The following FHIT variants were observed in gnomAD, a reference collection of about 807,000 sequenced individuals.
FHIT encodes fragile histidine triad diadenosine triphosphatase.
In FHIT, 19 loss-of-function variants were observed where a neutral mutation model predicts 17.9. The ratio of observed to expected loss-of-function variants is 1.06; its 90% CI spans 0.74 to 1.56. The LOEUF (loss-of-function observed/expected upper bound fraction) is 1.56. FHIT is among the 40% of genes most tolerant of loss of function. The pLI, the probability that FHIT is intolerant of heterozygous loss-of-function variation, is 0.00. For missense variants in FHIT, 248 were observed against 189.2 expected (o/e 1.31, Z -1.82); for synonymous variants, 81 against 69.7 (o/e 1.16, Z -0.81).
In FHIT at chr3:60,555,846, T is replaced by G. The variant is rs574697005; in HGVS notation, c.-17-18867A>C. Among the ~76,000 whole-genome samples the G allele has an allele frequency of 3.3e-5, 5 of 152,256 alleles. No individual in the cohort carries two copies. The South Asian group carries it at 8.3e-4, about 25-fold the overall frequency. ...ACGTGGTTCCATTGTTCAGGCCAGG[T>G]GGGACATTTCTGTCTGCAGGCAAGC... is the stretch of plus-strand genomic sequence containing the variant. On this transcript the variant is annotated intron_variant, in intron 4 of 9. Coordinates refer to ENST00000492590, the MANE Select transcript of FHIT (RefSeq NM_002012.4).
chr3:60,800,368 C>A (rs1701144994), intron 4 of FHIT, among the ~76,000 whole-genome samples: 1 of 152,140 alleles, frequency 6.6e-6, no homozygotes, highest in South Asian at 2.1e-4. Flanking sequence ...GTAGTAGAGA[C>A]CATGTGCACT....
rs536349298 is a variant in FHIT, at chr3:59,972,002, C to G, written c.279+39369G>C. Reference sequence around the variant, plus strand: ...TCATGCTAGGCCCTGTGCAGACATGCCTTGCTCCATCACATGTTCAGCCTT... The same window carrying G: ...TCATGCTAGGCCCTGTGCAGACATGGCTTGCTCCATCACATGTTCAGCCTT... On this transcript the variant is annotated intron_variant, in intron 7 of 9. Transcript: ENST00000492590. Among the ~76,000 whole-genome samples, 5 of 152,246 alleles carry G rather than the reference C, an allele frequency of 3.3e-5. No homozygotes were observed. The South Asian group carries it at 6.2e-4, about 19-fold the overall frequency.
chr3:60,364,002 C>G (rs934007628), intron 5 of FHIT, among the ~76,000 whole-genome samples: 2 of 152,084 alleles, frequency 1.3e-5, no homozygotes, highest in East Asian at 1.9e-4. Context: ...ACAGCTCTGC[C>G]GTTACTCATC....
At chr3:60,468,240 T>G (rs912538557) in intron 5 of FHIT, among the ~76,000 whole-genome samples, 1 of 152,144 alleles carries the variant, frequency 6.6e-6, no homozygotes, top group African/African-American at 2.4e-5. Flanking sequence ...CTAGTTTTAT[T>G]TATCCATTCA....
chr3:60,092,482 T>A (rs1439884578), intron 5 of FHIT, among the ~76,000 whole-genome samples: 1 of 152,224 alleles, frequency 6.6e-6, no homozygotes, highest in African/African-American at 2.4e-5. Flanking sequence ...GCTTTTACAA[T>A]GTCTACATTA....
chr3:60,229,489 T>A (rs1421081305), intron 5 of FHIT, among the ~76,000 whole-genome samples: 4 of 148,364 alleles, frequency 2.7e-5, no homozygotes, highest in African/African-American at 9.9e-5. Context: ...TTACCCAAGA[T>A]GGGAGAAGAA....
Position 60,536,947 on chromosome 3 carries a change from C to T in FHIT, c.16G>A (p.Gly6Ser), listed in dbSNP as rs763745803. The T allele has an allele frequency of 4.3e-6, 7 of 1,610,948 alleles. No homozygotes were observed. The South Asian group carries it at 7.7e-5, about 18-fold the overall frequency. ...ACAGAGGGCTTGATGAGATGTTGGC[C>T]AAATCTGAACGACATGTCCTCACAG... MSFRF[G>S]QHLIKPSVVF... Residue 6 changes from glycine (G) to serine (S), a missense_variant, in exon 5 of 10, where the codon GGC (glycine) becomes AGC (serine). Coordinates refer to ENST00000492590, the MANE Select transcript of FHIT (RefSeq NM_002012.4).
rs141123320 is a variant in FHIT, at chr3:60,164,981, G to A, written c.104-150829C>T. 1.0e-3 allele frequency among the ~76,000 whole-genome samples: 159 copies of A among 152,130 alleles called. 1 individual carries two copies. In the Middle Eastern group the frequency reaches 0.02, roughly 20 times the overall value. On this transcript the variant is annotated intron_variant, in intron 5 of 9. Coordinates refer to ENST00000492590, the MANE Select transcript of FHIT (RefSeq NM_002012.4). ...GTGAAATGCCACAGAGAGTCACAAC[G>A]CAAAAACAAGTTTTATTCAGATTGA...
At chr3:60,843,287 A>G (rs1223878486) in intron 3 of FHIT, among the ~76,000 whole-genome samples, 3 of 152,160 alleles carry the variant, frequency 2.0e-5, no homozygotes, top group Non-Finnish European at 4.4e-5. Context: ...CTCATACGAC[A>G]GGTTTTTTTC....
intron 5 of FHIT, among the ~76,000 whole-genome samples, chr3:60,204,441 C>G: frequency 3.0e-5 from 1 of 33,428 alleles, no homozygotes; most frequent in African/African-American, 7.3e-5. Flanking sequence ...AGCTAATATT[C>G]TGGTTTTTTT....
In FHIT at chr3:61,027,175, C is replaced by T. The variant is rs564962466; in HGVS notation, c.-111+14872G>A. ...AATCTTGGCTCACGGCAACCTCTGC[C>T]TCCTGTGTTCAAGTGATTCTCCTAC... is the stretch of plus-strand genomic sequence containing the variant. On this transcript the variant is annotated intron_variant, in intron 3 of 9. Transcript: ENST00000492590. Among the ~76,000 whole-genome samples the T allele has an allele frequency of 5.9e-5, 9 of 152,284 alleles. No homozygotes were observed. In the South Asian group the frequency reaches 1.9e-3, roughly 32 times the overall value.
At chr3:61,164,408 A>G (rs2037777567) in intron 2 of FHIT, among the ~76,000 whole-genome samples, 1 of 152,224 alleles carries the variant, frequency 6.6e-6, no homozygotes, top group Non-Finnish European at 1.5e-5. Context: ...AAGAGGGACC[A>G]GCCATCTAGG....
intron 8 of FHIT, among the ~76,000 whole-genome samples, chr3:59,863,450 A>C (rs1247239757): frequency 6.6e-6 from 1 of 152,226 alleles, no homozygotes; most frequent in African/African-American, 2.4e-5. Flanking sequence ...ATTTGCTGTC[A>C]TATGATCCTA....
intron 5 of FHIT, among the ~76,000 whole-genome samples, chr3:60,132,553 A>T (rs2107271428): frequency 6.6e-6 from 1 of 152,326 alleles, no homozygotes. Context: ...TATTTAATAT[A>T]TCATCCCTAG....
chr3:60,018,849 G>C (rs936984144), intron 5 of FHIT, among the ~76,000 whole-genome samples: 15 of 151,994 alleles, frequency 9.9e-5, no homozygotes, highest in Admixed American at 9.8e-4. Flanking sequence ...GCATGGTGGC[G>C]GGCATCTGTA....
intron 4 of FHIT, among the ~76,000 whole-genome samples, chr3:60,601,835 A>G (rs1209478712): frequency 1.3e-5 from 2 of 152,210 alleles, no homozygotes; most frequent in Non-Finnish European, 2.9e-5. Flanking sequence ...TAAAACACAA[A>G]CAAGGTTTTG....
At chr3:60,947,733 A>T (rs898536156) in intron 3 of FHIT, among the ~76,000 whole-genome samples, 1 of 152,192 alleles carries the variant, frequency 6.6e-6, no homozygotes, top group Non-Finnish European at 1.5e-5. Context: ...ACAACTGTCC[A>T]TCTGCACCCA....
intron 5 of FHIT, among the ~76,000 whole-genome samples, chr3:60,048,295 G>T (rs574664794): frequency 6.6e-6 from 1 of 152,102 alleles, no homozygotes; most frequent in African/African-American, 2.4e-5. Context: ...TCCTGCCTCA[G>T]CCTCCCGAGT....
chr3:60,218,176 G>A (rs1478637567), intron 5 of FHIT, among the ~76,000 whole-genome samples: 2 of 151,972 alleles, frequency 1.3e-5, no homozygotes, highest in African/African-American at 4.8e-5. Context: ...GGAGTATAAA[G>A]GGATTCTGAG....
Sources: gnomAD v4.1 joint callset for allele counts (sites outside exome capture counted in the v4.1 genomes callset) on GRCh38, gnomAD v4.1.1 for gene constraint, MANE v1.5 for transcripts, NCBI Gene and HGNC (gene_info 2026-07-23, HGNC 2026-07-21) for gene names.